LEPR: variants seen among roughly 807,000 people sequenced by gnomAD.
The protein encoded by LEPR is leptin receptor, also known as OB receptor.
Under a neutral mutation model 114.7 loss-of-function variants are expected in LEPR, and 56 were observed. That is an observed-to-expected ratio of 0.49 (90% CI 0.39 to 0.61). LEPR has a LOEUF of 0.61. Ranked by LOEUF, LEPR falls within the 20% of genes least tolerant of loss-of-function variation. LEPR has a pLI of 0.00. For missense variants in LEPR, 1,202 were observed against 1,352.9 expected, an observed-to-expected ratio of 0.89 and a Z score of 1.75; for synonymous variants, 443 against 461.4, an observed-to-expected ratio of 0.96 and a Z score of 0.51.
intron 19 of LEPR, among the ~76,000 whole-genome samples, chr1:65,623,677 AT>A (rs1344433968): frequency 6.6e-6 from 1 of 152,018 alleles, no homozygotes; most frequent in Non-Finnish European, 1.5e-5. Flanking sequence ...AACAATACTT[AT>A]TTGGAGGTTA....
At chr1:65,443,656 C>T (rs1028611559) in intron 2 of LEPR, among the ~76,000 whole-genome samples, 3 of 152,106 alleles carry the variant, frequency 2.0e-5, no homozygotes, top group African/African-American at 7.2e-5. Flanking sequence ...AGCCACATCT[C>T]GGTCTTCTTT....
In LEPR at chr1:65,596,501, T is replaced by C. The variant is rs1349867678; in HGVS notation, c.757T>C (p.Leu253=). ...LHMEITDDGN[L]KISWSSPPLV... The stretch of plus-strand genomic sequence containing the variant: ...TATGGAAATCACAGATGATGGTAAT[T>C]TAAAGATTTCTTGGTCCAGCCCACC... The change falls in exon 7 of 20, where the codon TTA becomes CTA. Residue 253 remains leucine (L), a synonymous_variant. Transcript: ENST00000349533. 1 of 1,612,856 alleles carries C rather than the reference T, an allele frequency of 6.2e-7. No homozygotes were observed. Among genetic ancestry groups the C allele is most frequent in the East Asian group, 2.2e-5 (1 of 44,798 alleles).
chr1:65,429,463 T>C (rs926327640), intron 2 of LEPR, among the ~76,000 whole-genome samples: 4 of 152,196 alleles, frequency 2.6e-5, no homozygotes, highest in African/African-American at 9.7e-5. Flanking sequence ...TATTCTAAGC[T>C]CTTAAAAGGT....
intron 2 of LEPR, among the ~76,000 whole-genome samples, chr1:65,528,427 A>C (rs1485966234): frequency 7.2e-5 from 11 of 152,142 alleles, no homozygotes; most frequent in Non-Finnish European, 1.5e-4. Context: ...TATAGTTTGG[A>C]ATATTCCTTC....
At chr1:65,471,471 TTAGGG>T (rs1647082277) in intron 2 of LEPR, among the ~76,000 whole-genome samples, 1 of 152,156 alleles carries the variant, frequency 6.6e-6, no homozygotes, top group African/African-American at 2.4e-5. Flanking sequence ...CCAGAAAGCG[TTAGGG>T]AATGTAGTAA....
intron 3 of LEPR, among the ~76,000 whole-genome samples, chr1:65,565,860 C>CACAA (rs761241579): frequency 1.3e-5 from 2 of 150,932 alleles, no homozygotes; most frequent in African/African-American, 2.4e-5. Flanking sequence ...CACACACACA[C>CACAA]ACAGACTCAC....
At chr1:65,635,841 C>T (rs1215653094) in intron 19 of LEPR, among the ~76,000 whole-genome samples, 1 of 152,110 alleles carries the variant, frequency 6.6e-6, no homozygotes, top group African/African-American at 2.4e-5. Context: ...CCAATCTTTC[C>T]TGAGAGCTAA....
At position 65,558,501 on chromosome 1, in the gene LEPR, G is replaced by GTTT. The variant is rs781558613; in HGVS notation, c.-20-7032_-20-7030dup. 8.2e-4 allele frequency among the ~76,000 whole-genome samples: 19 copies of GTTT among 23,160 alleles called. 3 individuals are homozygous for GTTT. The highest frequency in any genetic ancestry group is 9.1e-4 in the Non-Finnish European group (11 of 12,140). The allele number at this position is 23,160 out of a possible 152,430, so 15.2% of individuals were successfully genotyped here. On this transcript the variant is annotated intron_variant, in intron 2 of 19. Coordinates refer to ENST00000349533, the MANE Select transcript of LEPR (RefSeq NM_002303.6). ...TGAGTCATGAGACATGTTTCTTAATGTTTTTTTTTTTTTTTGAATCAGAAG... is the reference window on the plus strand; with the variant it reads ...TGAGTCATGAGACATGTTTCTTAATGTTTTTTTTTTTTTTTTTTGAATCAGAAG...
intron 2 of LEPR, among the ~76,000 whole-genome samples, chr1:65,516,715 A>G (rs1043270489): frequency 2.6e-5 from 4 of 152,248 alleles, no homozygotes; most frequent in Non-Finnish European, 2.9e-5. Context: ...GTAAGAAGGC[A>G]TTTACTTAAA....
In LEPR at chr1:65,488,226, C is replaced by CTCTCTTTCTT. The variant is rs1553157734; in HGVS notation, c.-21+62851_-21+62852insCTTTCTTTCT. ...TTTCTTTCTTTCTCTCTCTCTCTCT[C>CTCTCTTTCTT]TCTTTCTTTCTTTCTTTCTTTCTTT... On this transcript the variant is annotated intron_variant, in intron 2 of 19. Coordinates refer to ENST00000349533, the MANE Select transcript of LEPR (RefSeq NM_002303.6). Among the ~76,000 whole-genome samples the CTCTCTTTCTT allele has an allele frequency of 1.4e-3, 93 of 67,940 alleles. 2 individuals are homozygous for CTCTCTTTCTT. The highest frequency in any genetic ancestry group is 6.2e-3 in the African/African-American group (71 of 11,444). 44.6% of individuals were successfully genotyped at this position (67,940 alleles called of 152,430 possible). A position where few individuals can be genotyped will look rare whatever the true frequency, so the allele number is the denominator to read the frequency against.
chr1:65,598,642 T>C lies in LEPR; in HGVS notation c.850-18T>C. 1 of 1,612,312 alleles carries C rather than the reference T, an allele frequency of 6.2e-7. No homozygotes were observed. The highest frequency in any genetic ancestry group is 1.1e-5 in the South Asian group (1 of 91,030). On this transcript the variant is annotated intron_variant, in intron 7 of 19. Coordinates refer to ENST00000349533, the MANE Select transcript of LEPR (RefSeq NM_002303.6). ...ACATCAACTTGATGTTCTGATGTTT[T>C]AATATAATATTTAACAGGCTGACAA...
At chr1:65,563,259 A>G (rs1653396130) in intron 2 of LEPR, among the ~76,000 whole-genome samples, 2 of 91,720 alleles carry the variant, frequency 2.2e-5, no homozygotes, top group Non-Finnish European at 4.5e-5. Flanking sequence ...ATTTCTTTTT[A>G]TTCGTTTTTC....
At chr1:65,508,700 G>A (rs1414315333) in intron 2 of LEPR, among the ~76,000 whole-genome samples, 1 of 152,020 alleles carries the variant, frequency 6.6e-6, no homozygotes, top group African/African-American at 2.4e-5. Flanking sequence ...ACAAATTTTA[G>A]AATTTTAAAA....
At chr1:65,510,117 A>G (rs1164085775) in intron 2 of LEPR, among the ~76,000 whole-genome samples, 2 of 152,224 alleles carry the variant, frequency 1.3e-5, no homozygotes, top group African/African-American at 4.8e-5. Flanking sequence ...GTAACAGGAA[A>G]TGAAACTGAC....
intron 19 of LEPR, chr1:65,634,892 G>T: frequency 1.2e-6 from 1 of 830,446 alleles, no homozygotes; most frequent in Non-Finnish European, 1.5e-6. Flanking sequence ...AAAAAAACAG[G>T]CATAGGAACA....
intron 2 of LEPR, among the ~76,000 whole-genome samples, chr1:65,541,504 A>G (rs953284477): frequency 1.2e-4 from 18 of 152,058 alleles, no homozygotes; most frequent in Non-Finnish European, 1.5e-5. Flanking sequence ...TTATGCCAGG[A>G]TGTTGGAAGG....
intron 3 of LEPR, among the ~76,000 whole-genome samples, chr1:65,567,761 A>G (rs1242045771): frequency 6.6e-6 from 1 of 152,222 alleles, no homozygotes; most frequent in Non-Finnish European, 1.5e-5. Flanking sequence ...TTTATTTTTT[A>G]GAGCAGTTTT....
intron 2 of LEPR, among the ~76,000 whole-genome samples, chr1:65,511,080 G>A (rs772229141): frequency 1.3e-5 from 2 of 152,120 alleles, no homozygotes; most frequent in African/African-American, 2.4e-5. Flanking sequence ...TGCAAAGATA[G>A]TACAGAAAGT....
chr1:65,427,729 G>A, intron 2 of LEPR: 1 of 363,650 alleles, frequency 2.7e-6, no homozygotes, highest in East Asian at 8.0e-5. Flanking sequence ...ACTCATTACT[G>A]CTACTACAAA....
Sources: allele counts gnomAD v4.1 joint callset (sites outside exome capture counted in the v4.1 genomes callset), GRCh38; gene constraint gnomAD v4.1.1; transcripts MANE v1.5; gene names NCBI Gene and HGNC (gene_info 2026-07-23, HGNC 2026-07-21).